Variants in DNTTIP1 observed in about 807,000 individuals in gnomAD.
The protein encoded by DNTTIP1 is deoxynucleotidyltransferase terminal-interacting protein 1.
Under a neutral mutation model 52.9 loss-of-function variants are expected in DNTTIP1, and 22 were observed. That is an observed-to-expected ratio of 0.42 (90% CI 0.30 to 0.59). The LOEUF is 0.59. DNTTIP1 is among the 20% of genes least tolerant of loss of function. The pLI, the probability that DNTTIP1 is intolerant of heterozygous loss-of-function variation, is 0.22. For synonymous variants in DNTTIP1, 136 were observed against 155.1 expected (o/e 0.88, Z 0.92); for missense variants, 286 against 435.5 (o/e 0.66, Z 3.06).
At position 45,800,690 on chromosome 20, in the gene DNTTIP1, AAAAAATATATATAT is replaced by A. The variant is rs1981410253; in HGVS notation, c.373-382_373-369del. Among the ~76,000 whole-genome samples, 6 of 52,358 alleles carry A rather than the reference AAAAAATATATATAT, an allele frequency of 1.1e-4. 1 individual carries two copies. Among genetic ancestry groups the A allele is most frequent in the South Asian group, 1.3e-3 (2 of 1,566 alleles). 34.3% of individuals were successfully genotyped at this position (52,358 alleles called of 152,430 possible). ...ACTCCATCTCAATTTAAAAAAAAAA[AAAAAATATATATAT>A]ATATATATATATATATATATATATA... On this transcript the variant is annotated intron_variant, in intron 4 of 12. Transcript: ENST00000372622.
chr20:45,795,539 A>G (rs113543547), intron 4 of DNTTIP1, 96 bp downstream of exon 4: 7 of 724,860 alleles, frequency 9.7e-6, no homozygotes, highest in African/African-American at 3.5e-5. Context: ...TGGCTCACAC[A>G]TGTAATCCCA....
chr20:45,797,518 A>G (rs1318610488), intron 4 of DNTTIP1, among the ~76,000 whole-genome samples: 12 of 152,210 alleles, frequency 7.9e-5, no homozygotes, highest in Admixed American at 7.2e-4. Context: ...GCACAGCAAA[A>G]GAAATGACCA....
Position 45,811,154 on chromosome 20 carries a change from G to A in DNTTIP1, c.949G>A (p.Glu317Lys), listed in dbSNP as rs757252892. ...AAAGTATATGGAGACACTACGGACA[G>A]AGAATGAGCATCGTGCTGTTGAAGC... ...MRKYMETLRT[E>K]NEHRAVEAPP... Residue 317 changes from glutamate (E) to lysine (K), a missense_variant, in exon 13 of 13, where the codon GAG (glutamate) becomes AAG (lysine). By Grantham distance (56) the Glu-to-Lys change is moderately conservative. Around this residue, in one of 2 missense-constraint regions of DNTTIP1, gnomAD observed 78 missense variants for 169.0 expected, o/e 0.46. Coordinates refer to ENST00000372622, the MANE Select transcript of DNTTIP1 (RefSeq NM_052951.3). 6.2e-7 allele frequency: 1 copy of A among 1,614,050 alleles called. No homozygotes were observed. Among genetic ancestry groups the A allele is most frequent in the Non-Finnish European group, 8.5e-7 (1 of 1,179,918 alleles).
chr20:45,806,456 G>A (rs1166051228), intron 10 of DNTTIP1, among the ~76,000 whole-genome samples: 1 of 152,100 alleles, frequency 6.6e-6, no homozygotes, highest in Non-Finnish European at 1.5e-5. Flanking sequence ...CCCACTGTTT[G>A]AGGGAATAAT....
In DNTTIP1 at chr20:45,809,082, G is replaced by A. The variant is rs200798595; in HGVS notation, c.724-32G>A. Reference sequence around the variant, plus strand: ...CAAATGAGAAAAGCCCCTTACCCGAGGCTAATTTTCTTACAACTTCATTCC... The same window carrying A: ...CAAATGAGAAAAGCCCCTTACCCGAAGCTAATTTTCTTACAACTTCATTCC... On this transcript the variant is annotated intron_variant, in intron 10 of 12. Coordinates refer to ENST00000372622, the MANE Select transcript of DNTTIP1 (RefSeq NM_052951.3). This position sits in a 1 kb window ranked among gnomAD's most constrained non-coding sequence, Gnocchi z 4.2. 3 of 1,603,730 alleles carry A rather than the reference G, an allele frequency of 1.9e-6. No individual in the cohort carries two copies. Among genetic ancestry groups the A allele is most frequent in the African/African-American group, 1.3e-5 (1 of 74,822 alleles).
intron 1 of DNTTIP1, 173 bp from the exon 2 acceptor site, chr20:45,792,504 A>C (rs1981060431): frequency 1.9e-6 from 1 of 514,782 alleles, no homozygotes; most frequent in Admixed American, 3.9e-5. Flanking sequence ...AAACTTCCTC[A>C]GTTCCTCTTT....
chr20:45,794,500 C>G (rs1263124764), intron 3 of DNTTIP1, among the ~76,000 whole-genome samples: 1 of 151,958 alleles, frequency 6.6e-6, no homozygotes, highest in Admixed American at 6.6e-5. Context: ...GAGGGTAATT[C>G]AGATACCTTT....
chr20:45,794,992 G>A lies in DNTTIP1; in HGVS notation c.274-353G>A, dbSNP rs6094211. ...TTTTTGTATTTTTAGTAGAGACGGG[G>A]TTTCACCGTGTTAGCCAGGATGGTC... On this transcript the variant is annotated intron_variant, in intron 3 of 12. Transcript: ENST00000372622. Among the ~76,000 whole-genome samples the A allele has an allele frequency of 3.1e-3, 464 of 151,876 alleles. 4 individuals carry two copies. The highest frequency in any genetic ancestry group is 0.011 in the African/African-American group (449 of 41,446).
chr20:45,802,140 G>T, intron 7 of DNTTIP1, 83 bp downstream of exon 7: 1 of 1,461,194 alleles, frequency 6.8e-7, no homozygotes, highest in Admixed American at 1.7e-5. Flanking sequence ...CCAGGGTTCT[G>T]TGCCTGTCAA....
chr20:45,799,209 A>T (rs960617341), intron 4 of DNTTIP1, among the ~76,000 whole-genome samples: 1 of 152,244 alleles, frequency 6.6e-6, no homozygotes, highest in Non-Finnish European at 1.5e-5. Context: ...GTGAGAGCAG[A>T]TAGAATATGT....
intron 2 of DNTTIP1, among the ~76,000 whole-genome samples, 157 bp downstream of exon 2, chr20:45,792,904 G>C (rs1477626786): frequency 3.9e-5 from 6 of 152,238 alleles, no homozygotes; most frequent in Non-Finnish European, 7.3e-5. Flanking sequence ...GTGTGATCTT[G>C]AACTAGTCAA....
intron 3 of DNTTIP1, 89 bp downstream of exon 3, chr20:45,794,106 C>A: frequency 4.2e-6 from 3 of 714,278 alleles, no homozygotes; most frequent in Non-Finnish European, 6.7e-6. Context: ...CTCTTTCCTA[C>A]ATACAGATAT....
Position 45,809,070 on chromosome 20 carries a change from C to T in DNTTIP1, c.724-44C>T, listed in dbSNP as rs771918583. ...ATGCTCTGGGACCAAATGAGAAAAGCCCCTTACCCGAGGCTAATTTTCTTA... is the reference window on the plus strand; with the variant it reads ...ATGCTCTGGGACCAAATGAGAAAAGTCCCTTACCCGAGGCTAATTTTCTTA... On this transcript the variant is annotated intron_variant, in intron 10 of 12. Transcript: ENST00000372622. This position sits in a 1 kb window ranked among gnomAD's most constrained non-coding sequence, Gnocchi z 4.2. 1.7e-5 allele frequency: 26 copies of T among 1,559,022 alleles called. No homozygotes were observed. Among genetic ancestry groups the T allele is most frequent in the Non-Finnish European group, 1.7e-5 (19 of 1,130,388 alleles).
At chr20:45,796,117 G>A (rs780372988) in intron 4 of DNTTIP1, among the ~76,000 whole-genome samples, 1 of 152,176 alleles carries the variant, frequency 6.6e-6, no homozygotes, top group Non-Finnish European at 1.5e-5. Flanking sequence ...CAAACTTTTA[G>A]TTATAAGATG....
In DNTTIP1 at chr20:45,805,336, A is replaced by G. The variant is rs1981598849; in HGVS notation, c.693A>G (p.Arg231=). 6.2e-7 allele frequency: 1 copy of G among 1,614,070 alleles called. No homozygotes were observed. The highest frequency in any genetic ancestry group is 8.5e-7 in the Non-Finnish European group (1 of 1,180,028). Reference sequence around the variant, plus strand: ...TGGGGATGGGGGGCACCAGAGGAAGAATCTACATCAAGCACCCACACCTCT... The same window carrying G: ...TGGGGATGGGGGGCACCAGAGGAAGGATCTACATCAAGCACCCACACCTCT... ...KALGMGGTRG[R]IYIKHPHLFK... is the part of the protein sequence containing the mutation. The change falls in exon 10 of 13, where the codon AGA becomes AGG. Residue 231 remains arginine, a synonymous_variant. Coordinates refer to ENST00000372622, the MANE Select transcript of DNTTIP1 (RefSeq NM_052951.3).
At position 45,798,978 on chromosome 20, in the gene DNTTIP1, A is replaced by G. The variant is rs563774211; in HGVS notation, c.373-2096A>G. ...AATTAGATTACCAACAAATGTGTGC[A>G]TAATTACACATTGAGACTTGATCAC... On this transcript the variant is annotated intron_variant, in intron 4 of 12. Coordinates refer to ENST00000372622, the MANE Select transcript of DNTTIP1 (RefSeq NM_052951.3). Among the ~76,000 whole-genome samples, 9 of 152,380 alleles carry G rather than the reference A, an allele frequency of 5.9e-5. No homozygotes were observed. The East Asian group carries it at 1.5e-3, about 26-fold the overall frequency.
At chr20:45,802,138 C>A in intron 7 of DNTTIP1, 81 bp downstream of exon 7, 2 of 1,460,616 alleles carry the variant, frequency 1.4e-6, no homozygotes, top group South Asian at 2.3e-5. Context: ...GTCCAGGGTT[C>A]TGTGCCTGTC....
At chr20:45,801,570 T>A in intron 6 of DNTTIP1, 112 bp downstream of exon 6, 1 of 1,130,268 alleles carries the variant, frequency 8.8e-7, no homozygotes, top group Non-Finnish European at 1.3e-6. Context: ...GGAGGATCAC[T>A]TGAGCTCAGG....
Position 45,793,999 on chromosome 20 carries a change from C to A in DNTTIP1, c.255C>A (p.Val85=). ...QPSINEEIQT[V]FNKYMKFFQK... is the part of the protein sequence containing the mutation. ...GCATCAACGAGGAGATCCAGACTGT[C>A]TTCAACAAGTACATGAAGGTGAGAG... Residue 85 remains valine (V), a synonymous_variant, in exon 3 of 13, where the codon GTC becomes GTA. Transcript: ENST00000372622. 1.3e-6 allele frequency: 2 copies of A among 1,595,026 alleles called. No individual in the cohort carries two copies. The highest frequency in any genetic ancestry group is 1.2e-5 in the South Asian group (1 of 86,562).
Sources: allele counts gnomAD v4.1 joint callset (sites outside exome capture counted in the v4.1 genomes callset), GRCh38; gene constraint gnomAD v4.1.1; regional missense constraint gnomAD v4.1.1; non-coding constraint Gnocchi (gnomAD v3.1); transcripts MANE v1.5; gene names NCBI Gene and HGNC (gene_info 2026-07-23, HGNC 2026-07-21).